Variants in MAPK8IP1 observed in about 807,000 individuals in gnomAD.
MAPK8IP1 encodes the protein mitogen-activated protein kinase 8 interacting protein 1, also known as C-Jun-amino-terminal kinase-interacting protein 1.
MAPK8IP1 carries 17 observed loss-of-function variants against 72.6 expected under a neutral mutation model. The observed-to-expected ratio is 0.23, with a 90% CI of 0.16 to 0.35. MAPK8IP1 has a LOEUF of 0.35. Among genes scored for constraint, MAPK8IP1 ranks in the 10% least tolerant of loss-of-function variants. MAPK8IP1 has a pLI of 1.00. For synonymous variants in MAPK8IP1, 401 were observed against 443.4 expected (o/e 0.90, Z 1.20); for missense variants, 789 against 1,009.7 (o/e 0.78, Z 2.96).
intron 1 of MAPK8IP1, among the ~76,000 whole-genome samples, chr11:45,889,537 G>A (rs2086550737): frequency 1.3e-5 from 2 of 152,124 alleles, no homozygotes; most frequent in African/African-American, 4.8e-5. Flanking sequence ...AAAGAGGAGG[G>A]GCAGAAGGAC....
chr11:45,901,840 C>T (rs571061681), intron 3 of MAPK8IP1, 140 bp from the exon 4 acceptor site: 12 of 780,310 alleles, frequency 1.5e-5, no homozygotes, highest in East Asian at 4.9e-5. Flanking sequence ...AGGAGAGTTA[C>T]GAGTGAGGCC....
Position 45,898,091 on chromosome 11 carries a change from C to T in MAPK8IP1, c.108C>T (p.Thr36=), listed in dbSNP as rs145799284. The change falls in exon 2 of 12, where the codon ACC becomes ACT. Residue 36 remains threonine, a synonymous_variant. Coordinates refer to ENST00000241014, the MANE Select transcript of MAPK8IP1 (RefSeq NM_005456.4). ...HIASPPNFRL[T]HDISLEEFED... The stretch of plus-strand genomic sequence containing the variant: ...GGCTTCCTGTCCCCACCAGGCTCAC[C>T]CATGACATCAGCCTGGAGGAGTTTG... 6.2e-5 allele frequency: 100 copies of T among 1,610,606 alleles called. No homozygotes were observed. The highest frequency in any genetic ancestry group is 8.4e-5 in the Non-Finnish European group (99 of 1,176,996).
In MAPK8IP1 at chr11:45,903,869, C is replaced by CA; in HGVS notation, c.1494-119dup. On this transcript the variant is annotated intron_variant, in intron 6 of 11. Coordinates refer to ENST00000241014, the MANE Select transcript of MAPK8IP1 (RefSeq NM_005456.4). The surrounding 1 kb of genome is among the most constrained non-coding windows in gnomAD (Gnocchi z 6.4). Reference sequence around the variant, plus strand: ...TGGGGTTAGTACTGCAACAGGCACACAGGATGCTTTTGCAAATGTTTACTG... The same window carrying CA: ...TGGGGTTAGTACTGCAACAGGCACACAAGGATGCTTTTGCAAATGTTTACTG... 1 of 930,656 alleles carries CA rather than the reference C, an allele frequency of 1.1e-6. No individual in the cohort carries two copies. Among genetic ancestry groups the CA allele is most frequent in the Non-Finnish European group, 1.7e-6 (1 of 572,532 alleles). The allele number at this position is 930,656 out of a possible 1,614,324, so 57.6% of individuals were successfully genotyped here.
intron 1 of MAPK8IP1, 141 bp from the exon 2 acceptor site, chr11:45,897,944 A>G: frequency 1.5e-6 from 1 of 658,940 alleles, no homozygotes; most frequent in Admixed American, 2.1e-5. Flanking sequence ...CACCCCCTGC[A>G]TTGATACAGA....
Position 45,903,291 on chromosome 11 carries a change from G to A in MAPK8IP1, c.1418-74G>A. 1 of 1,588,972 alleles carries A rather than the reference G, an allele frequency of 6.3e-7. No individual in the cohort carries two copies. Among genetic ancestry groups the A allele is most frequent in the African/African-American group, 1.3e-5 (1 of 74,510 alleles). On this transcript the variant is annotated intron_variant, in intron 5 of 11. Transcript: ENST00000241014. The surrounding 1 kb of genome is among the most constrained non-coding windows in gnomAD (Gnocchi z 6.4). ...CCCCAGGCCCCATCTGGTTAGGACT[G>A]AGGCTTCTACCTGCCCCGCTAAACC...
chr11:45,903,530 A>T lies in MAPK8IP1; in HGVS notation c.1493+90A>T. 9.1e-7 allele frequency: 1 copy of T among 1,097,144 alleles called. No individual in the cohort carries two copies. Among genetic ancestry groups the T allele is most frequent in the Non-Finnish European group, 1.3e-6 (1 of 743,472 alleles). The allele number at this position is 1,097,144 out of a possible 1,614,324, so 68.0% of individuals were successfully genotyped here. On this transcript the variant is annotated intron_variant, in intron 6 of 11. Coordinates refer to ENST00000241014, the MANE Select transcript of MAPK8IP1 (RefSeq NM_005456.4). The surrounding 1 kb of genome is among the most constrained non-coding windows in gnomAD (Gnocchi z 6.4). Reference sequence around the variant, plus strand: ...TGTCACCCCTACATGGCCTCAGCCTAACCCCTGCCATCAGCCTTCATTTAT... The same window carrying T: ...TGTCACCCCTACATGGCCTCAGCCTTACCCCTGCCATCAGCCTTCATTTAT...
rs1166914880 is a variant in MAPK8IP1 at position 45,904,905 on chromosome 11, C to T, written c.1894-66C>T. 5 of 1,597,320 alleles carry T rather than the reference C, an allele frequency of 3.1e-6. No individual in the cohort carries two copies. The Admixed American group carries it at 8.3e-5, about 27-fold the overall frequency. ...TCCCCCAAGACTTGTGATGAAGAGG[C>T]CATCTCCTGTCACCCTCACTGCAGG... On this transcript the variant is annotated intron_variant, in intron 9 of 11. Coordinates refer to ENST00000241014, the MANE Select transcript of MAPK8IP1 (RefSeq NM_005456.4). The surrounding 1 kb of genome is among the most constrained non-coding windows in gnomAD (Gnocchi z 6.4).
chr11:45,889,384 T>G (rs1274633547), intron 1 of MAPK8IP1, among the ~76,000 whole-genome samples: 4 of 152,232 alleles, frequency 2.6e-5, no homozygotes, highest in Admixed American at 1.3e-4. Context: ...TATTTTATAA[T>G]GAGTATAGGT....
In MAPK8IP1 at chr11:45,900,751, G is replaced by A. The variant is rs1428720705; in HGVS notation, c.522+299G>A. 6.6e-6 allele frequency among the ~76,000 whole-genome samples: 1 copy of A among 152,158 alleles called. No homozygotes were observed. The highest frequency in any genetic ancestry group is 1.5e-5 in the Non-Finnish European group (1 of 68,032). On this transcript the variant is annotated intron_variant, in intron 3 of 11. Transcript: ENST00000241014. This position sits in a 1 kb window ranked among gnomAD's most constrained non-coding sequence, Gnocchi z 6.5. ...AAGAGAATGAGGCTTTGAGGGGTTC[G>A]AAGGGTTTGGAGCCTGGGACCTCAG...
rs569301154 is a variant in MAPK8IP1 at position 45,905,840 on chromosome 11, G to T, written c.*119G>T. ...CCTGCCACCGCCAGAGGACAAGGAAGTGGGGGCCGCTGGCCCAGGGTAGGG... is the reference window on the plus strand; with the variant it reads ...CCTGCCACCGCCAGAGGACAAGGAATTGGGGGCCGCTGGCCCAGGGTAGGG... On this transcript the variant is annotated 3_prime_UTR_variant, in exon 12 of 12. Coordinates refer to ENST00000241014, the MANE Select transcript of MAPK8IP1 (RefSeq NM_005456.4). 4 of 1,000,372 alleles carry T rather than the reference G, an allele frequency of 4.0e-6. No individual in the cohort carries two copies. Among genetic ancestry groups the T allele is most frequent in the Middle Eastern group, 3.1e-4 (1 of 3,232 alleles). The allele number at this position is 1,000,372 out of a possible 1,614,324, so 62.0% of individuals were successfully genotyped here.
intron 1 of MAPK8IP1, among the ~76,000 whole-genome samples, chr11:45,894,150 G>T (rs1196196914): frequency 2.6e-5 from 4 of 152,152 alleles, no homozygotes; most frequent in Admixed American, 2.6e-4. Context: ...TTATGTCTAA[G>T]CCTTAGTGTT....
At position 45,905,700 on chromosome 11, in the gene MAPK8IP1, A is replaced by G; in HGVS notation, c.2115A>G (p.Thr705=). 6.2e-7 allele frequency: 1 copy of G among 1,613,878 alleles called. No homozygotes were observed. The highest frequency in any genetic ancestry group is 8.5e-7 in the Non-Finnish European group (1 of 1,179,858). Residue 705 remains threonine, a synonymous_variant, in exon 12 of 12, where the codon ACA becomes ACG. Coordinates refer to ENST00000241014, the MANE Select transcript of MAPK8IP1 (RefSeq NM_005456.4). ...YKQFVEYTCP[T]EDIYLE is the part of the protein sequence containing the mutation. ...AGTTTGTGGAGTACACCTGCCCCAC[A>G]GAAGATATCTACCTGGAGTAGCTGT...
chr11:45,887,855 C>CA (rs1383298068), intron 1 of MAPK8IP1, among the ~76,000 whole-genome samples: 2 of 152,230 alleles, frequency 1.3e-5, no homozygotes, highest in Admixed American at 6.5e-5. Flanking sequence ...CCGCTGCTCC[C>CA]AAAGCCCCCG....
rs761526912 is a variant in MAPK8IP1, at chr11:45,902,766, A to G, written c.999A>G (p.Glu333=). 1.6e-5 allele frequency: 25 copies of G among 1,600,660 alleles called. No individual in the cohort carries two copies. The highest frequency in any genetic ancestry group is 2.1e-5 in the Non-Finnish European group (25 of 1,177,266). The change falls in exon 5 of 12, where the codon GAA becomes GAG. Residue 333 remains glutamate, a synonymous_variant. Transcript: ENST00000241014. This position sits in a 1 kb window ranked among gnomAD's most constrained non-coding sequence, Gnocchi z 9.3. ...GRPHPSISEE[E]EGFDCLSSPE... ...CGCACCCCTCCATCAGTGAAGAGGA[A>G]GAGGGCTTCGACTGCCTGTCGTCCC...
At chr11:45,891,364 G>A (rs184201055) in intron 1 of MAPK8IP1, among the ~76,000 whole-genome samples, 44 of 152,378 alleles carry the variant, frequency 2.9e-4, no homozygotes, top group Non-Finnish European at 5.4e-4. Flanking sequence ...GGAGATGCCA[G>A]TGGAGAGCTC....
intron 1 of MAPK8IP1, chr11:45,896,793 C>A: frequency 6.5e-7 from 1 of 1,538,206 alleles, no homozygotes; most frequent in Admixed American, 2.0e-5. Flanking sequence ...GCCCCCAGCC[C>A]TGCCTTGAGC....
At chr11:45,890,968 T>C (rs2086562202) in intron 1 of MAPK8IP1, among the ~76,000 whole-genome samples, 1 of 152,124 alleles carries the variant, frequency 6.6e-6, no homozygotes, top group African/African-American at 2.4e-5. Flanking sequence ...GGTGGCCTGT[T>C]CAGCCAACCA....
chr11:45,896,699 T>C (rs2134670202), intron 1 of MAPK8IP1: 1 of 1,432,334 alleles, frequency 7.0e-7, no homozygotes, highest in Non-Finnish European at 9.1e-7. Flanking sequence ...CCTCCTCTCC[T>C]GGCCTGTCTA....
rs982421764 is a variant in MAPK8IP1 at position 45,900,153 on chromosome 11, C to G, written c.223C>G (p.Leu75Val). ...TLSLRPPRAGLLSAGGGGAGS... is the reference protein window; with the variant it reads ...TLSLRPPRAGVLSAGGGGAGS... ...CGCTGTGCAGCCCCCGCGCGCCGGG[C>G]TGCTCTCTGCGGGCGGCGGCGGCGC... Residue 75 changes from leucine to valine, a missense_variant, in exon 3 of 12, where the codon CTG becomes GTG. Leu to Val is a conservative substitution (Grantham distance 32). Coordinates refer to ENST00000241014, the MANE Select transcript of MAPK8IP1 (RefSeq NM_005456.4). The surrounding 1 kb of genome is among the most constrained non-coding windows in gnomAD (Gnocchi z 6.5). The G allele has an allele frequency of 1.1e-5, 14 of 1,300,284 alleles. No homozygotes were observed. In the African/African-American group the frequency reaches 1.9e-4, roughly 17 times the overall value. 80.5% of individuals were successfully genotyped at this position (1,300,284 alleles called of 1,614,324 possible).
Sources: gnomAD v4.1 joint callset for allele counts (sites outside exome capture counted in the v4.1 genomes callset) on GRCh38, gnomAD v4.1.1 for gene constraint, Gnocchi (gnomAD v3.1) non-coding constraint, MANE v1.5 for transcripts, NCBI Gene and HGNC (gene_info 2026-07-23, HGNC 2026-07-21) for gene names.